Variants in GRP observed in about 807,000 individuals in gnomAD.
The protein encoded by GRP is gastrin-releasing peptide.
Under a neutral mutation model 12.7 loss-of-function variants are expected in GRP, and 11 were observed. That is an observed-to-expected ratio of 0.87 (90% CI 0.55 to 1.44). The LOEUF (loss-of-function observed/expected upper bound fraction) is 1.44, where lower values mean the gene tolerates loss of function less well. Ranked by LOEUF, GRP falls within the 40% of genes most tolerant of loss-of-function variation. GRP has a pLI of 0.00. For missense variants in GRP, 212 were observed against 185.4 expected, an observed-to-expected ratio of 1.14 and a Z score of -0.83; for synonymous variants, 84 against 77.7, an observed-to-expected ratio of 1.08 and a Z score of -0.43.
chr18:59,222,583 T>C (rs2069852241), intron 1 of GRP, among the ~76,000 whole-genome samples: 1 of 152,238 alleles, frequency 6.6e-6, no homozygotes, highest in African/African-American at 2.4e-5. Context: ...CAAGGATGAA[T>C]GATGTTACAC....
intron 1 of GRP, among the ~76,000 whole-genome samples, chr18:59,221,167 C>T (rs2069826396): frequency 6.6e-6 from 1 of 152,248 alleles, no homozygotes; most frequent in African/African-American, 2.4e-5. Flanking sequence ...CTTCTTGACC[C>T]ACGACTTCGC....
intron 1 of GRP, among the ~76,000 whole-genome samples, chr18:59,224,084 G>A (rs1333362731): frequency 6.6e-6 from 1 of 152,134 alleles, no homozygotes; most frequent in African/African-American, 2.4e-5. Context: ...GCCTTTTGTA[G>A]ACCTTATCCT....
At position 59,220,269 on chromosome 18, in the gene GRP, C is replaced by T. The variant is rs1433318595; in HGVS notation, c.4C>T (p.Arg2Cys). The T allele has an allele frequency of 1.3e-6, 2 of 1,502,386 alleles. No individual in the cohort carries two copies. The highest frequency in any genetic ancestry group is 1.8e-6 in the Non-Finnish European group (2 of 1,130,342). The allele number at this position is 1,502,386 out of a possible 1,614,324, so 93.1% of individuals were successfully genotyped here. The change falls in exon 1 of 3, where the codon CGC becomes TGC. Residue 2 changes from arginine (R) to cysteine (C), a missense_variant. Physicochemically the swap from Arg to Cys is radical, Grantham distance 180. Transcript: ENST00000256857. The stretch of plus-strand genomic sequence containing the variant: ...CCAAGGGCTTCCCGTCGGGACCATG[C>T]GCGGCCGTGAGCTCCCGCTGGTCCT... Reference protein sequence around the residue: MRGRELPLVLLA... With the variant: MCGRELPLVLLA...
intron 2 of GRP, among the ~76,000 whole-genome samples, chr18:59,226,988 T>TTCTTC (rs1555663371): frequency 1.4e-5 from 2 of 144,382 alleles, no homozygotes; most frequent in African/African-American, 5.3e-5. Context: ...TGGTTTCTTT[T>TTCTTC]CTTCCTTTCT....
intron 2 of GRP, among the ~76,000 whole-genome samples, chr18:59,229,948 T>C (rs1022036421): frequency 4.6e-5 from 7 of 152,232 alleles, no homozygotes; most frequent in Admixed American, 1.3e-4. Context: ...TGTGTAACGA[T>C]GCACTGTCAA....
chr18:59,226,557 T>C (rs61416386), intron 2 of GRP, among the ~76,000 whole-genome samples: 3,230 of 152,284 alleles, frequency 0.021, 84 homozygotes, highest in African/African-American at 0.06. Flanking sequence ...AGACGGAAGA[T>C]TCTATTATTC....
intron 1 of GRP, among the ~76,000 whole-genome samples, chr18:59,222,416 C>T (rs1037229588): frequency 3.9e-5 from 6 of 152,170 alleles, no homozygotes; most frequent in Non-Finnish European, 5.9e-5. Flanking sequence ...TTCTCAAATG[C>T]ACTTTTTTCT....
At position 59,220,345 on chromosome 18, in the gene GRP, C is replaced by A; in HGVS notation, c.80C>A (p.Pro27His). 1 of 1,484,674 alleles carries A rather than the reference C, an allele frequency of 6.7e-7. No homozygotes were observed. Among genetic ancestry groups the A allele is most frequent in the Non-Finnish European group, 8.9e-7 (1 of 1,120,868 alleles). 92.0% of individuals were successfully genotyped at this position (1,484,674 alleles called of 1,614,324 possible). The stretch of plus-strand genomic sequence containing the variant: ...CCCCGGGGGCGAGCGGTCCCGCTGC[C>A]TGCGGGCGGAGGGACCGTGCTGACC... Reference protein sequence around the residue: ...LAPRGRAVPLPAGGGTVLTKM... With the variant: ...LAPRGRAVPLHAGGGTVLTKM... Residue 27 changes from proline (P) to histidine (H), a missense_variant, in exon 1 of 3, where the codon CCT becomes CAT. Physicochemically the swap from Pro to His is moderately conservative, Grantham distance 77 (BLOSUM62 -2). Transcript: ENST00000256857.
chr18:59,229,438 C>T (rs72956185), intron 2 of GRP, among the ~76,000 whole-genome samples: 4,978 of 152,216 alleles, frequency 0.033, 106 homozygotes, highest in African/African-American at 0.06. Flanking sequence ...GTGGCATCTT[C>T]GGACAGGCAG....
rs1414284155 is a variant in GRP at position 59,220,355 on chromosome 18, A to G, written c.90A>G (p.Gly30=). The G allele has an allele frequency of 6.8e-7, 1 of 1,476,770 alleles. No homozygotes were observed. Among genetic ancestry groups the G allele is most frequent in the Admixed American group, 2.3e-5 (1 of 43,104 alleles). The allele number at this position is 1,476,770 out of a possible 1,614,324, so 91.5% of individuals were successfully genotyped here. A position where few individuals can be genotyped will look rare whatever the true frequency, so the allele number is the denominator to read the frequency against. ...RGRAVPLPAG[G]GTVLTKMYPR... ...GAGCGGTCCCGCTGCCTGCGGGCGGAGGGACCGTGCTGACCAAGATGTACC... is the reference window on the plus strand; with the variant it reads ...GAGCGGTCCCGCTGCCTGCGGGCGGGGGGACCGTGCTGACCAAGATGTACC... Residue 30 remains glycine (G), a synonymous_variant, in exon 1 of 3, where the codon GGA becomes GGG. Coordinates refer to ENST00000256857, the MANE Select transcript of GRP (RefSeq NM_002091.5).
At chr18:59,219,831 A>C (rs1306459800), upstream of GRP, among the ~76,000 whole-genome samples, 2 of 151,672 alleles carry the variant, frequency 1.3e-5, no homozygotes, top group East Asian at 2.0e-4. Context: ...CGCCCTCTCC[A>C]GGACTCTCAA....
chr18:59,228,046 A>T (rs2069972644), intron 2 of GRP, among the ~76,000 whole-genome samples: 1 of 152,242 alleles, frequency 6.6e-6, no homozygotes, highest in African/African-American at 2.4e-5. Context: ...TTACAGGTTT[A>T]GAAAGCCCAT....
At chr18:59,223,134 A>G (rs1568082958) in intron 1 of GRP, among the ~76,000 whole-genome samples, 1 of 152,248 alleles carries the variant, frequency 6.6e-6, no homozygotes, top group Non-Finnish European at 1.5e-5. Flanking sequence ...GTATCTTTAA[A>G]TGATTAATAA....
chr18:59,220,237 G>A lies in GRP; in HGVS notation c.-29G>A. The A allele has an allele frequency of 7.0e-7, 1 of 1,435,098 alleles. No individual in the cohort carries two copies. Among genetic ancestry groups the A allele is most frequent in the Admixed American group, 2.6e-5 (1 of 38,582 alleles). 88.9% of individuals were successfully genotyped at this position (1,435,098 alleles called of 1,614,324 possible). Reference sequence around the variant, plus strand: ...GTCTCTGCTCTTCCCAGCCTCTCCGGCGCGCTCCAAGGGCTTCCCGTCGGG... The same window carrying A: ...GTCTCTGCTCTTCCCAGCCTCTCCGACGCGCTCCAAGGGCTTCCCGTCGGG... On this transcript the variant is annotated 5_prime_UTR_variant, in exon 1 of 3. Coordinates refer to ENST00000256857, the MANE Select transcript of GRP (RefSeq NM_002091.5).
At chr18:59,223,055 A>G (rs1013416879) in intron 1 of GRP, among the ~76,000 whole-genome samples, 2 of 152,076 alleles carry the variant, frequency 1.3e-5, no homozygotes, top group Non-Finnish European at 2.9e-5. Flanking sequence ...CAAAAATACT[A>G]CTTCTTAGTA....
chr18:59,222,517 G>A (rs887008049), intron 1 of GRP, among the ~76,000 whole-genome samples: 11 of 152,176 alleles, frequency 7.2e-5, no homozygotes, highest in Non-Finnish European at 1.3e-4. Context: ...ATTACCTTGC[G>A]GTTGAGAAAA....
chr18:59,228,954 G>T (rs1176095337), intron 2 of GRP, among the ~76,000 whole-genome samples: 1 of 152,136 alleles, frequency 6.6e-6, no homozygotes, highest in Non-Finnish European at 1.5e-5. Context: ...CATGAAGAGG[G>T]CAAGGAAGTG....
At chr18:59,224,205 A>G (rs1019454966) in intron 1 of GRP, among the ~76,000 whole-genome samples, 7 of 152,144 alleles carry the variant, frequency 4.6e-5, no homozygotes, top group African/African-American at 1.7e-4. Flanking sequence ...TTTAATCCTA[A>G]AATAGTTGCT....
chr18:59,224,562 G>C (rs889571984), intron 1 of GRP, among the ~76,000 whole-genome samples: 1 of 152,212 alleles, frequency 6.6e-6, no homozygotes, highest in Admixed American at 6.5e-5. Context: ...CAACTACAGA[G>C]AGAGGAAAAA....
Sources: gnomAD v4.1 joint callset for allele counts (sites outside exome capture counted in the v4.1 genomes callset) on GRCh38, gnomAD v4.1.1 for gene constraint, MANE v1.5 for transcripts, NCBI Gene and HGNC (gene_info 2026-07-23, HGNC 2026-07-21) for gene names.